Variants in SULF1 observed in about 807,000 individuals in gnomAD.
SULF1 encodes extracellular sulfatase Sulf-1.
Under a neutral mutation model 110.5 loss-of-function variants are expected in SULF1, and 46 were observed. The observed-to-expected ratio is 0.42, with a 90% CI of 0.33 to 0.53. The LOEUF is 0.53. SULF1 is among the 20% of genes least tolerant of loss of function. The probability of loss-of-function intolerance (pLI) is 0.12; values close to 1 mark genes in which losing one functional copy is unlikely to be tolerated. For missense variants in SULF1, 941 were observed against 1,094.2 expected (o/e 0.86, Z 1.98); for synonymous variants, 371 against 387.1 (o/e 0.96, Z 0.49).
intron 3 of SULF1, among the ~76,000 whole-genome samples, chr8:69,509,894 G>C (rs1811439641): frequency 6.6e-6 from 1 of 152,202 alleles, no homozygotes; most frequent in African/African-American, 2.4e-5. Context: ...TCATTTGAAA[G>C]TCCATTTAGG....
chr8:69,655,387 C>T (rs575267111), intron 22 of SULF1, among the ~76,000 whole-genome samples: 10 of 152,188 alleles, frequency 6.6e-5, no homozygotes, highest in Non-Finnish European at 1.5e-4. Flanking sequence ...TGATGGTGCC[C>T]GTAATACTCC....
intron 3 of SULF1, among the ~76,000 whole-genome samples, chr8:69,526,917 C>G (rs1812736749): frequency 6.6e-6 from 1 of 152,040 alleles, no homozygotes; most frequent in Non-Finnish European, 1.5e-5. Context: ...TTGAGTTTCA[C>G]TCGGGTTACA....
At chr8:69,594,711 C>CAA (rs548798854) in intron 8 of SULF1, among the ~76,000 whole-genome samples, 17 of 144,964 alleles carry the variant, frequency 1.2e-4, no homozygotes, top group African/African-American at 4.0e-4. Context: ...TTAAATTCTA[C>CAA]AAAAAAAAAA....
Position 69,623,976 on chromosome 8 carries a change from A to G in SULF1, c.1629A>G (p.Thr543=), listed in dbSNP as rs1180087864. ...CCAGATTTGTCCATACTCGGCAGAC[A>G]CGTTCCTTGTCCGTCGAATTTGAAG... ...YKPRFVHTRQ[T]RSLSVEFEGE... is the part of the protein sequence containing the mutation. The change falls in exon 15 of 23, where the codon ACA becomes ACG. Residue 543 remains threonine (T), a synonymous_variant. Coordinates refer to ENST00000402687, the MANE Select transcript of SULF1 (RefSeq NM_001128205.2). 7.4e-6 allele frequency: 12 copies of G among 1,614,094 alleles called. No homozygotes were observed. Among genetic ancestry groups the G allele is most frequent in the Middle Eastern group, 1.6e-4 (1 of 6,082 alleles).
chr8:69,530,110 C>A (rs984280491), intron 3 of SULF1, among the ~76,000 whole-genome samples: 1 of 152,128 alleles, frequency 6.6e-6, no homozygotes, highest in African/African-American at 2.4e-5. Context: ...TTGCAGTGGA[C>A]AATCTGCCCT....
At chr8:69,536,304 CA>C (rs1813427774) in intron 3 of SULF1, among the ~76,000 whole-genome samples, 1 of 152,160 alleles carries the variant, frequency 6.6e-6, no homozygotes, top group African/African-American at 2.4e-5. Context: ...AGTTCTTATT[CA>C]AACAATGTGT....
intron 8 of SULF1, among the ~76,000 whole-genome samples, chr8:69,600,132 A>G (rs953826451): frequency 2.6e-5 from 4 of 152,154 alleles, no homozygotes; most frequent in African/African-American, 7.3e-5. Flanking sequence ...CTTCTCAAGT[A>G]TTCAGGAGAA....
intron 3 of SULF1, among the ~76,000 whole-genome samples, chr8:69,505,638 A>G (rs986333680): frequency 6.6e-6 from 1 of 152,186 alleles, no homozygotes; most frequent in African/African-American, 2.4e-5. Context: ...CAAGGAATCA[A>G]TATCAGATGT....
intron 3 of SULF1, among the ~76,000 whole-genome samples, chr8:69,528,755 G>A (rs1383889722): frequency 6.6e-6 from 1 of 152,184 alleles, no homozygotes; most frequent in Non-Finnish European, 1.5e-5. Flanking sequence ...GGTCAAAGCA[G>A]GGAAGAAAGC....
At chr8:69,541,079 T>C (rs1813820205) in intron 3 of SULF1, among the ~76,000 whole-genome samples, 1 of 151,788 alleles carries the variant, frequency 6.6e-6, no homozygotes, top group South Asian at 2.1e-4. Flanking sequence ...AACATAAGTG[T>C]GGGTTTGGGA....
intron 3 of SULF1, among the ~76,000 whole-genome samples, chr8:69,531,160 T>C (rs1236326911): frequency 2.6e-5 from 4 of 152,226 alleles, no homozygotes; most frequent in South Asian, 2.1e-4. Context: ...AACACCACTC[T>C]GAACTGACTT....
intron 1 of SULF1, among the ~76,000 whole-genome samples, chr8:69,476,912 G>A (rs552071575): frequency 5.9e-4 from 90 of 152,290 alleles, no homozygotes; most frequent in African/African-American, 2.1e-3. Flanking sequence ...AAGCACAAAC[G>A]TTGGGTTTAG....
At chr8:69,569,492 C>T (rs1805062272) in intron 5 of SULF1, among the ~76,000 whole-genome samples, 1 of 152,174 alleles carries the variant, frequency 6.6e-6, no homozygotes, top group African/African-American at 2.4e-5. Flanking sequence ...CACTGGGATC[C>T]CCCACTACTG....
intron 3 of SULF1, among the ~76,000 whole-genome samples, chr8:69,538,047 G>T (rs1489222318): frequency 3.3e-5 from 5 of 149,874 alleles, no homozygotes; most frequent in African/African-American, 1.2e-4. Context: ...TGCAGGCTCC[G>T]CCCCCCGGGG....
intron 8 of SULF1, among the ~76,000 whole-genome samples, chr8:69,600,375 G>T (rs1438882827): frequency 1.3e-5 from 2 of 152,130 alleles, no homozygotes; most frequent in African/African-American, 4.8e-5. Context: ...TCAGCTGCCA[G>T]TCATGGTTTT....
At chr8:69,527,655 A>G (rs375216205) in intron 3 of SULF1, among the ~76,000 whole-genome samples, 6 of 152,272 alleles carry the variant, frequency 3.9e-5, no homozygotes, top group African/African-American at 1.2e-4. Flanking sequence ...CTAAGTAAAT[A>G]TAGAGGACAG....
chr8:69,471,518 C>G (rs1356186409), intron 1 of SULF1, among the ~76,000 whole-genome samples: 1 of 152,124 alleles, frequency 6.6e-6, no homozygotes, highest in African/African-American at 2.4e-5. Flanking sequence ...ATGAAAAATC[C>G]CTATGAAGTT....
At chr8:69,521,665 C>A (rs1812307875) in intron 3 of SULF1, among the ~76,000 whole-genome samples, 1 of 152,056 alleles carries the variant, frequency 6.6e-6, no homozygotes, top group Non-Finnish European at 1.5e-5. Flanking sequence ...AGGCAAGTCA[C>A]AATAGGCTAA....
chr8:69,556,191 T>C (rs1468796287), intron 3 of SULF1, among the ~76,000 whole-genome samples: 13 of 152,036 alleles, frequency 8.6e-5, no homozygotes. Flanking sequence ...GAGAAAGAAA[T>C]GGGGTACTAG....
Sources: gnomAD v4.1 joint callset for allele counts (sites outside exome capture counted in the v4.1 genomes callset) on GRCh38, gnomAD v4.1.1 for gene constraint, MANE v1.5 for transcripts, NCBI Gene and HGNC (gene_info 2026-07-23, HGNC 2026-07-21) for gene names.